Variants in ADAMTSL1 observed in about 807,000 individuals in gnomAD.
ADAMTSL1 encodes the protein ADAMTS like 1, also known as ADAMTS-like protein 1.
ADAMTSL1 carries 126 observed loss-of-function variants against 201.8 expected under a neutral mutation model. The observed-to-expected ratio is 0.62, with a 90% CI of 0.54 to 0.72. The LOEUF is 0.72. Ranked by LOEUF, ADAMTSL1 falls within the 30% of genes least tolerant of loss-of-function variation. The probability of loss-of-function intolerance (pLI) is 0.00; values close to 1 mark genes in which losing one functional copy is unlikely to be tolerated. For missense variants in ADAMTSL1, 2,679 were observed against 2,277.8 expected (o/e 1.18, Z -3.59); for synonymous variants, 1,121 against 903.4 (o/e 1.24, Z -4.32).
At chr9:18,536,251 G>C (rs756171561) in intron 3 of ADAMTSL1, among the ~76,000 whole-genome samples, 15 of 152,112 alleles carry the variant, frequency 9.9e-5, no homozygotes, top group Non-Finnish European at 1.8e-4. Flanking sequence ...GGAAAAACTT[G>C]AGAGTCTCTT....
At chr9:18,122,540 A>G (rs557845951) in intron 1 of ADAMTSL1, among the ~76,000 whole-genome samples, 17 of 152,304 alleles carry the variant, frequency 1.1e-4, no homozygotes, top group African/African-American at 3.6e-4. Flanking sequence ...ATCTGATTCT[A>G]CTAGTGTGAT....
intron 9 of ADAMTSL1, among the ~76,000 whole-genome samples, chr9:18,669,909 C>T (rs7038433): frequency 8.9e-4 from 135 of 152,282 alleles, no homozygotes; most frequent in African/African-American, 3.0e-3. Context: ...GAGAGGAGTA[C>T]TGACCTTCCA....
intron 1 of ADAMTSL1, among the ~76,000 whole-genome samples, chr9:18,025,717 A>G (rs1820665874): frequency 6.6e-6 from 1 of 151,824 alleles, no homozygotes; most frequent in Non-Finnish European, 1.5e-5. Context: ...TTTGCTTAGG[A>G]TTGGTTTGGG....
At chr9:18,056,357 T>C (rs1378510381) in intron 1 of ADAMTSL1, among the ~76,000 whole-genome samples, 1 of 152,168 alleles carries the variant, frequency 6.6e-6, no homozygotes. Flanking sequence ...TAGTATGTAA[T>C]GGCTTAGACA....
intron 1 of ADAMTSL1, among the ~76,000 whole-genome samples, chr9:18,044,999 G>T (rs1042874297): frequency 1.3e-5 from 2 of 152,120 alleles, no homozygotes; most frequent in African/African-American, 2.4e-5. Context: ...AACCAGTTGA[G>T]AATAGAGGCC....
intron 1 of ADAMTSL1, among the ~76,000 whole-genome samples, chr9:18,088,016 C>G (rs186412881): frequency 8.9e-4 from 135 of 152,164 alleles, no homozygotes; most frequent in African/African-American, 3.2e-3. Flanking sequence ...TATTACAAAG[C>G]TATAGTAATT....
chr9:18,385,635 C>G (rs1019029888), intron 2 of ADAMTSL1, among the ~76,000 whole-genome samples: 2 of 152,166 alleles, frequency 1.3e-5, no homozygotes, highest in South Asian at 4.1e-4. Context: ...GTAATGTTAG[C>G]TGTAAAATGA....
intron 3 of ADAMTSL1, among the ~76,000 whole-genome samples, chr9:18,543,574 T>C (rs1820290825): frequency 6.6e-6 from 1 of 152,216 alleles, no homozygotes; most frequent in African/African-American, 2.4e-5. Context: ...AAACACATCA[T>C]TTCTTTTTCG....
In ADAMTSL1 at chr9:18,684,721, C is replaced by T; in HGVS notation, c.1495C>T (p.Leu499Phe). 1.2e-6 allele frequency: 2 copies of T among 1,612,802 alleles called. No homozygotes were observed. The highest frequency in any genetic ancestry group is 1.7e-6 in the Non-Finnish European group (2 of 1,179,554). Residue 499 changes from leucine to phenylalanine, a missense_variant, in exon 13 of 29, where the codon CTT (leucine) becomes TTT (phenylalanine). By Grantham distance (22) the Leu-to-Phe change is conservative. Coordinates refer to ENST00000380548, the MANE Select transcript of ADAMTSL1 (RefSeq NM_001040272.6). ...TGCATGCACTGAATTCTCAGAGAAA[C>T]TTCCAGTCGAGGCCAAGTTGCCATG... ...PTPCYKPKEK[L>F]PVEAKLPWFK...
At chr9:18,437,415 T>G (rs1563960567) in intron 2 of ADAMTSL1, among the ~76,000 whole-genome samples, 1 of 152,116 alleles carries the variant, frequency 6.6e-6, no homozygotes, top group Non-Finnish European at 1.5e-5. Context: ...AGACCCCTTC[T>G]TCTAGTCATG....
intron 1 of ADAMTSL1, among the ~76,000 whole-genome samples, chr9:17,936,225 A>G (rs546383224): frequency 1.3e-5 from 2 of 152,294 alleles, no homozygotes; most frequent in African/African-American, 4.8e-5. Flanking sequence ...TTACAGACTT[A>G]TTATGTATCT....
chr9:18,716,309 A>C (rs1832926389), intron 14 of ADAMTSL1, among the ~76,000 whole-genome samples: 1 of 151,690 alleles, frequency 6.6e-6, no homozygotes. Flanking sequence ...CAACCTACAA[A>C]ATGGGAGAAA....
intron 4 of ADAMTSL1, among the ~76,000 whole-genome samples, chr9:18,581,165 C>G (rs768550611): frequency 2.0e-5 from 3 of 152,130 alleles, no homozygotes; most frequent in Non-Finnish European, 4.4e-5. Context: ...TCAATCTTTA[C>G]TATTTCTTAA....
chr9:18,513,929 T>C lies in ADAMTSL1; in HGVS notation c.191+8973T>C, dbSNP rs989860472. 2.0e-5 allele frequency among the ~76,000 whole-genome samples: 3 copies of C among 152,354 alleles called. No homozygotes were observed. In the South Asian group the frequency reaches 6.2e-4, roughly 32 times the overall value. On this transcript the variant is annotated intron_variant, in intron 2 of 28. Transcript: ENST00000380548. ...AATGTTTTGAAATCAGGAACTGTGATGCCTTCAGCTTTGTTCTCTCTCAAT... is the reference window on the plus strand; with the variant it reads ...AATGTTTTGAAATCAGGAACTGTGACGCCTTCAGCTTTGTTCTCTCTCAAT...
At chr9:18,637,285 T>C (rs547441216) in intron 6 of ADAMTSL1, among the ~76,000 whole-genome samples, 1 of 152,222 alleles carries the variant, frequency 6.6e-6, no homozygotes, top group East Asian at 1.9e-4. Flanking sequence ...GATTCATTTT[T>C]CCCCATTTGA....
intron 2 of ADAMTSL1, among the ~76,000 whole-genome samples, chr9:18,239,521 T>C (rs1274170474): frequency 1.3e-5 from 2 of 152,072 alleles, no homozygotes; most frequent in Middle Eastern, 3.2e-3. Context: ...AGTGGATCAC[T>C]TGAGGCCAGG....
chr9:18,126,297 C>G lies in ADAMTSL1; in HGVS notation c.88-37565C>G, dbSNP rs530218551. 1.5e-3 allele frequency among the ~76,000 whole-genome samples: 233 copies of G among 152,324 alleles called. 2 individuals are homozygous for G. The highest frequency in any genetic ancestry group is 5.4e-3 in the African/African-American group (224 of 41,564). ...CCATCCAGATCAAGTATCCCAGAAT[C>G]TCTCTCACAAATTCCTTCTTACCAC... On this transcript the variant is annotated intron_variant, in intron 1 of 29. Transcript: ENST00000680146.
intron 19 of ADAMTSL1, among the ~76,000 whole-genome samples, chr9:18,788,503 C>T (rs1183293987): frequency 6.6e-6 from 1 of 151,996 alleles, no homozygotes; most frequent in Non-Finnish European, 1.5e-5. Flanking sequence ...CTCCTGATGC[C>T]ACCATGTACT....
intron 1 of ADAMTSL1, among the ~76,000 whole-genome samples, chr9:18,037,710 A>G (rs1029381067): frequency 6.6e-6 from 1 of 152,186 alleles, no homozygotes; most frequent in Non-Finnish European, 1.5e-5. Context: ...TAAAGTTTAA[A>G]AGGCTTATTT....
Sources: gnomAD v4.1 joint callset for allele counts (sites outside exome capture counted in the v4.1 genomes callset) on GRCh38, gnomAD v4.1.1 for gene constraint, MANE v1.5 for transcripts, NCBI Gene and HGNC (gene_info 2026-07-23, HGNC 2026-07-21) for gene names.